Variants in ARHGAP35 observed in about 807,000 individuals in gnomAD.
ARHGAP35 encodes Rho GTPase activating protein 35, also known as rho GTPase-activating protein 35.
Under a neutral mutation model 111.1 loss-of-function variants are expected in ARHGAP35, and 15 were observed. The observed-to-expected ratio is 0.13, with a 90% confidence interval of 0.09 to 0.21. The LOEUF is 0.21. Ranked by LOEUF, ARHGAP35 falls within the 10% of genes least tolerant of loss-of-function variation. ARHGAP35 has a pLI of 1.00. For synonymous variants in ARHGAP35, 643 were observed against 710.3 expected (o/e 0.91, Z 1.51); for missense variants, 1,262 against 1,873.0 (o/e 0.67, Z 6.02).
intron 1 of ARHGAP35, among the ~76,000 whole-genome samples, chr19:46,888,693 T>G (rs1300962774): frequency 6.6e-6 from 1 of 152,072 alleles, no homozygotes; most frequent in African/African-American, 2.4e-5. Context: ...ATGTGTAGGT[T>G]GTTTAAAACC....
chr19:46,898,551 T>C (rs2056068955), intron 1 of ARHGAP35, among the ~76,000 whole-genome samples: 1 of 152,222 alleles, frequency 6.6e-6, no homozygotes, highest in Admixed American at 6.5e-5. Context: ...TTAGTTAATA[T>C]TGCTGTTTTT....
Position 46,921,748 on chromosome 19 carries a change from A to T in ARHGAP35, c.3073A>T (p.Ile1025Phe). The T allele has an allele frequency of 1.2e-6, 2 of 1,614,008 alleles. No homozygotes were observed. Among genetic ancestry groups the T allele is most frequent in the Non-Finnish European group, 1.7e-6 (2 of 1,179,890 alleles). Residue 1025 changes from isoleucine to phenylalanine, a missense_variant, in exon 2 of 7, where the codon ATT becomes TTT. Physicochemically the swap from Ile to Phe is conservative, Grantham distance 21. Around this residue, in one of 8 missense-constraint regions of ARHGAP35, gnomAD observed 579 missense variants for 716.9 expected, o/e 0.81. Transcript: ENST00000672722. The surrounding 1 kb of genome is among the most constrained non-coding windows in gnomAD (Gnocchi z 4.3). The stretch of plus-strand genomic sequence containing the variant: ...GGAGGGAAATGATGGGCTGTCTTTC[A>T]TTATGAGCAATTTTGAGAGTAAACT... ...ELEGNDGLSFIMSNFESKLNN... is the reference protein window; with the variant it reads ...ELEGNDGLSFFMSNFESKLNN...
intron 1 of ARHGAP35, among the ~76,000 whole-genome samples, chr19:46,893,223 G>A (rs2056034778): frequency 6.6e-6 from 1 of 152,202 alleles, no homozygotes; most frequent in Admixed American, 6.5e-5. Context: ...CCTGCCCTGA[G>A]TTAGGAAGCA....
chr19:46,918,649 G>A lies in ARHGAP35; in HGVS notation c.-27G>A, dbSNP rs777257749. On this transcript the variant is annotated 5_prime_UTR_variant, in exon 2 of 7. Transcript: ENST00000672722. The surrounding 1 kb of genome is among the most constrained non-coding windows in gnomAD (Gnocchi z 5.4). ...GAAACACTAATCTGATCTCAGAAGT[G>A]GCTGATCGTGGCAGGATGTGTCGAC... is the stretch of plus-strand genomic sequence containing the variant. The A allele has an allele frequency of 1.9e-5, 31 of 1,595,786 alleles. No individual in the cohort carries two copies. In the Admixed American group the frequency reaches 5.2e-4, roughly 27 times the overall value.
rs142924020 is a variant in ARHGAP35 at position 46,925,842 on chromosome 19, G to A, written c.3681+3486G>A. On this transcript the variant is annotated intron_variant, in intron 2 of 6. Coordinates refer to ENST00000672722, the MANE Select transcript of ARHGAP35 (RefSeq NM_004491.5). ...AGGTTGTGAGAAATGAACACCGGGCGTAGTGCATGCTGGATAAGTGTCAGC... is the reference window on the plus strand; with the variant it reads ...AGGTTGTGAGAAATGAACACCGGGCATAGTGCATGCTGGATAAGTGTCAGC... Among the ~76,000 whole-genome samples the A allele has an allele frequency of 2.3e-3, 343 of 152,292 alleles. 2 individuals carry two copies. The highest frequency in any genetic ancestry group is 8.0e-3 in the African/African-American group (334 of 41,560).
intron 2 of ARHGAP35, among the ~76,000 whole-genome samples, chr19:46,925,826 G>A (rs2056234880): frequency 6.6e-6 from 1 of 152,194 alleles, no homozygotes; most frequent in African/African-American, 2.4e-5. Flanking sequence ...CAGGTTGTGA[G>A]AAATGAACAC....
At position 46,945,575 on chromosome 19, in the gene ARHGAP35, A is replaced by C. The variant is rs1407860225; in HGVS notation, c.3826+8167A>C. ...GAGTCAAGCCTTCCTAGGATTCAAG[A>C]AATCTGACAGCATAGGAACCCCCTG... On this transcript the variant is annotated intron_variant, in intron 3 of 6. Coordinates refer to ENST00000672722, the MANE Select transcript of ARHGAP35 (RefSeq NM_004491.5). The surrounding 1 kb of genome is among the most constrained non-coding windows in gnomAD (Gnocchi z 4.1). Among the ~76,000 whole-genome samples the C allele has an allele frequency of 6.6e-6, 1 of 152,020 alleles. No homozygotes were observed. The highest frequency in any genetic ancestry group is 1.5e-5 in the Non-Finnish European group (1 of 67,978).
chr19:46,973,509 G>A lies in ARHGAP35; in HGVS notation c.3827-14480G>A, dbSNP rs191651642. On this transcript the variant is annotated intron_variant, in intron 3 of 6. Coordinates refer to ENST00000672722, the MANE Select transcript of ARHGAP35 (RefSeq NM_004491.5). ...TCGAGACTATCCTGGCTAACACAGT[G>A]AAACCCCCTCTCTACTAAAAATACC... Among the ~76,000 whole-genome samples the A allele has an allele frequency of 4.1e-3, 628 of 151,980 alleles. 5 individuals are homozygous for A. Among genetic ancestry groups the A allele is most frequent in the Non-Finnish European group, 7.3e-3 (498 of 67,966 alleles).
At chr19:46,869,316 G>C (rs529809295) in intron 1 of ARHGAP35, among the ~76,000 whole-genome samples, 1 of 152,238 alleles carries the variant, frequency 6.6e-6, no homozygotes, top group South Asian at 2.1e-4. Flanking sequence ...AGTTGGCCAG[G>C]CGTGGTGGCT....
intron 1 of ARHGAP35, among the ~76,000 whole-genome samples, chr19:46,868,893 A>ATTTTTTTTTTT (rs59080309): frequency 3.4e-5 from 2 of 58,702 alleles, no homozygotes; most frequent in Non-Finnish European, 6.1e-5. Flanking sequence ...GCTCACCGTG[A>ATTTTTTTTTTT]TTTTTTTTTT....
rs752476075 is a variant in ARHGAP35 at position 46,937,387 on chromosome 19, A to G, written c.3805A>G (p.Ile1269Val). 60 of 1,613,864 alleles carry G rather than the reference A, an allele frequency of 3.7e-5. No homozygotes were observed. Among genetic ancestry groups the G allele is most frequent in the Non-Finnish European group, 4.8e-5 (57 of 1,179,876 alleles). The change falls in exon 3 of 7, where the codon ATT becomes GTT. Residue 1269 changes from isoleucine (I) to valine (V), a missense_variant. Ile to Val is a conservative substitution (Grantham distance 29, BLOSUM62 3). Transcript: ENST00000672722. ...KPIPIFIERC[I>V]EYIEATGLST... Reference sequence around the variant, plus strand: ...GATCCCCATTTTTATTGAAAGATGTATTGAGTACATTGAAGCCACAGGTAA... The same window carrying G: ...GATCCCCATTTTTATTGAAAGATGTGTTGAGTACATTGAAGCCACAGGTAA...
chr19:46,978,568 T>TA (rs2056592827), intron 3 of ARHGAP35, among the ~76,000 whole-genome samples: 1 of 104,476 alleles, frequency 9.6e-6, no homozygotes. Flanking sequence ...GTGTGTGTGG[T>TA]GGGATGTGTG....
intron 3 of ARHGAP35, among the ~76,000 whole-genome samples, chr19:46,983,054 C>CAAAAAAAAAAAA (rs71179281): frequency 4.0e-4 from 19 of 47,646 alleles, no homozygotes; most frequent in Non-Finnish European, 5.1e-4. Context: ...ACCTTGTGTA[C>CAAAAAAAAAAAA]AAAAAAAAAA....
chr19:46,899,988 T>C lies in ARHGAP35; in HGVS notation c.-188-18500T>C, dbSNP rs145436790. Among the ~76,000 whole-genome samples, 265 of 152,260 alleles carry C rather than the reference T, an allele frequency of 1.7e-3. 1 individual carries two copies. The highest frequency in any genetic ancestry group is 0.017 in the Middle Eastern group (5 of 294). On this transcript the variant is annotated intron_variant, in intron 1 of 6. Transcript: ENST00000672722. ...CCTGTCAATGGCTTGGGGCAAGTAA[T>C]TGGAATAAATAATGAATTCTGATTT...
intron 2 of ARHGAP35, among the ~76,000 whole-genome samples, chr19:46,924,435 G>A (rs1443122185): frequency 1.3e-5 from 2 of 152,238 alleles, no homozygotes; most frequent in East Asian, 3.8e-4. Context: ...TGTGCAGTGT[G>A]AGAAAGGGCA....
intron 3 of ARHGAP35, among the ~76,000 whole-genome samples, chr19:46,941,876 TAAAAAA>T (rs71179279): frequency 3.2e-5 from 3 of 94,554 alleles, no homozygotes; most frequent in African/African-American, 8.6e-5. Flanking sequence ...CCTGTCTCTT[TAAAAAA>T]AAAAAAAAAA....
intron 3 of ARHGAP35, among the ~76,000 whole-genome samples, chr19:46,963,361 TG>T (rs910207899): frequency 2.6e-5 from 4 of 152,214 alleles, no homozygotes; most frequent in African/African-American, 9.6e-5. Flanking sequence ...GCCTTAAAAG[TG>T]GGCACTCTCT....
chr19:46,915,554 C>T (rs994226046), intron 1 of ARHGAP35, among the ~76,000 whole-genome samples: 1 of 152,130 alleles, frequency 6.6e-6, no homozygotes, highest in Non-Finnish European at 1.5e-5. Flanking sequence ...CAGAATAATG[C>T]GTGGTGGTCT....
intron 1 of ARHGAP35, among the ~76,000 whole-genome samples, chr19:46,892,792 G>T (rs1436511154): frequency 6.6e-6 from 1 of 151,914 alleles, no homozygotes; most frequent in Non-Finnish European, 1.5e-5. Context: ...TCTGAGTTGG[G>T]GCGTCTCTGC....
Sources: allele counts gnomAD v4.1 joint callset (sites outside exome capture counted in the v4.1 genomes callset), GRCh38; gene constraint gnomAD v4.1.1; regional missense constraint gnomAD v4.1.1; non-coding constraint Gnocchi (gnomAD v3.1); transcripts MANE v1.5; gene names NCBI Gene and HGNC (gene_info 2026-07-23, HGNC 2026-07-21).